The following CLIC5 variants were observed in gnomAD, a reference collection of about 807,000 sequenced individuals.
CLIC5 encodes CLIC family member 5, also known as chloride intracellular channel protein 5.
In CLIC5, 20 loss-of-function variants were observed where a neutral mutation model predicts 24.7. The ratio of observed to expected loss-of-function variants is 0.81; its 90% CI spans 0.57 to 1.18. The LOEUF is 1.18. Ranked by LOEUF, CLIC5 falls within the 50% of genes most tolerant of loss-of-function variation. The pLI, the probability that CLIC5 is intolerant of heterozygous loss-of-function variation, is 0.00. For synonymous variants in CLIC5, 159 were observed against 135.6 expected (o/e 1.17, Z -1.20); for missense variants, 341 against 326.1 (o/e 1.05, Z -0.35).
chr6:46,090,072 C>T, the CLIC5 span, among the ~76,000 whole-genome samples: 20,212 of 152,126 alleles, frequency 0.13, 1,835 homozygotes, highest in South Asian at 0.33. Flanking sequence ...GCTTCCATTA[C>T]TTAAAAACGA....
intron 6 of CLIC5, among the ~76,000 whole-genome samples, chr6:45,889,260 C>T (rs1486826738): frequency 6.6e-6 from 1 of 152,146 alleles, no homozygotes; most frequent in Non-Finnish European, 1.5e-5. Flanking sequence ...TCCTTGTATC[C>T]TCACATGGTG....
the CLIC5 span, among the ~76,000 whole-genome samples, chr6:46,096,106 A>G: frequency 1.3e-5 from 2 of 152,202 alleles, no homozygotes; most frequent in Non-Finnish European, 1.5e-5. Context: ...GTCATCTTAC[A>G]TGGCAGGAAC....
rs1767193710 is a variant in CLIC5 at position 46,021,845 on chromosome 6, G to A, written c.540+57858C>T. 3.9e-5 allele frequency among the ~76,000 whole-genome samples: 6 copies of A among 152,342 alleles called. No homozygotes were observed. In the South Asian group the frequency reaches 1.2e-3, roughly 32 times the overall value. ...GATAGAACTACTTTGCATCCTGTTTGTGTCATTGGTTACACACATTTCTGT... is the reference window on the plus strand; with the variant it reads ...GATAGAACTACTTTGCATCCTGTTTATGTCATTGGTTACACACATTTCTGT... On this transcript the variant is annotated intron_variant, in intron 1 of 5. Transcript: ENST00000185206.
upstream of CLIC5, among the ~76,000 whole-genome samples, chr6:46,019,590 G>A (rs893455639): frequency 4.0e-5 from 6 of 149,884 alleles, no homozygotes; most frequent in South Asian, 1.3e-3. Flanking sequence ...GGAGGCTGAG[G>A]CAGGAGAATG....
intron 1 of CLIC5, among the ~76,000 whole-genome samples, chr6:46,037,013 T>C (rs1158802528): frequency 6.6e-6 from 1 of 151,338 alleles, no homozygotes; most frequent in Admixed American, 6.6e-5. Flanking sequence ...CCTTCCCCCA[T>C]TTTTTTTTCA....
At chr6:46,065,293 T>C (rs1762410878) in intron 1 of CLIC5, among the ~76,000 whole-genome samples, 1 of 151,424 alleles carries the variant, frequency 6.6e-6, no homozygotes, top group Non-Finnish European at 1.5e-5. Flanking sequence ...GGAAAGGCAG[T>C]AGCTAGAAAT....
At chr6:46,039,322 G>A (rs753049991) in intron 1 of CLIC5, among the ~76,000 whole-genome samples, 1 of 151,862 alleles carries the variant, frequency 6.6e-6, no homozygotes, top group Non-Finnish European at 1.5e-5. Flanking sequence ...TTAAAAGCAG[G>A]AAAAAGATGG....
intron 1 of CLIC5, among the ~76,000 whole-genome samples, chr6:46,024,428 A>G (rs1767273407): frequency 6.6e-6 from 1 of 152,134 alleles, no homozygotes; most frequent in South Asian, 2.1e-4. Flanking sequence ...TTAGAAGACC[A>G]TTTTTACTTC....
At chr6:46,083,591 G>C (rs1399088952), upstream of CLIC5, among the ~76,000 whole-genome samples, 1 of 152,118 alleles carries the variant, frequency 6.6e-6, no homozygotes, top group Non-Finnish European at 1.5e-5. Context: ...AGTTTTGAGT[G>C]AGTTTCTTAA....
At chr6:46,019,500 C>G (rs1331293294), upstream of CLIC5, among the ~76,000 whole-genome samples, 3 of 151,198 alleles carry the variant, frequency 2.0e-5, no homozygotes, top group South Asian at 6.2e-4. Flanking sequence ...TCCTGGCTAA[C>G]AAGGTGAAAC....
intron 4 of CLIC5, among the ~76,000 whole-genome samples, chr6:45,917,735 C>T (rs1191528899): frequency 6.6e-6 from 1 of 152,164 alleles, no homozygotes; most frequent in South Asian, 2.1e-4. Flanking sequence ...TTCCTCTGAC[C>T]CTGGCTCAAT....
At chr6:45,907,001 G>T (rs1762680115) in intron 5 of CLIC5, among the ~76,000 whole-genome samples, 1 of 152,144 alleles carries the variant, frequency 6.6e-6, no homozygotes, top group Non-Finnish European at 1.5e-5. Flanking sequence ...TTTCCTATTT[G>T]TATGCCTTTT....
chr6:45,959,892 T>TGCTTCA (rs1403603252), intron 1 of CLIC5, among the ~76,000 whole-genome samples: 2 of 152,208 alleles, frequency 1.3e-5, no homozygotes, highest in Non-Finnish European at 2.9e-5. Context: ...TAATTTTTAA[T>TGCTTCA]GCTTCATCAA....
At chr6:45,954,357 A>T (rs1041714454) in intron 2 of CLIC5, among the ~76,000 whole-genome samples, 1 of 152,300 alleles carries the variant, frequency 6.6e-6, no homozygotes, top group East Asian at 1.9e-4. Flanking sequence ...AAAGGATACA[A>T]ATTGATGTAT....
intron 1 of CLIC5, among the ~76,000 whole-genome samples, chr6:45,962,675 T>A (rs1342689875): frequency 3.3e-5 from 5 of 152,208 alleles, no homozygotes; most frequent in Non-Finnish European, 7.3e-5. Flanking sequence ...CCAGATGGTT[T>A]TGTAAACAAT....
chr6:45,988,640 T>C (rs960535826), intron 1 of CLIC5, among the ~76,000 whole-genome samples: 1 of 152,252 alleles, frequency 6.6e-6, no homozygotes, highest in African/African-American at 2.4e-5. Context: ...ACTATTATCC[T>C]TGTTTTAGCA....
intron 4 of CLIC5, among the ~76,000 whole-genome samples, chr6:45,922,829 GAGAGAT>G (rs965970780): frequency 1.4e-5 from 2 of 146,150 alleles, no homozygotes; most frequent in African/African-American, 2.7e-5. Flanking sequence ...GAGAAAGAGA[GAGAGAT>G]AGAGAGAGAG....
chr6:45,994,686 C>A (rs1260728470), intron 1 of CLIC5, among the ~76,000 whole-genome samples: 2 of 152,128 alleles, frequency 1.3e-5, no homozygotes, highest in East Asian at 3.9e-4. Flanking sequence ...GTGAAAGAAG[C>A]AGATAAATCT....
chr6:46,020,199 C>A (rs779692962), upstream of CLIC5, among the ~76,000 whole-genome samples: 37 of 152,004 alleles, frequency 2.4e-4, no homozygotes, highest in South Asian at 4.1e-4. Context: ...AACTTCATTA[C>A]GTTAAAATAA....
Sources: allele counts gnomAD v4.1 joint callset (sites outside exome capture counted in the v4.1 genomes callset), GRCh38; gene constraint gnomAD v4.1.1; transcripts MANE v1.5; gene names NCBI Gene and HGNC (gene_info 2026-07-23, HGNC 2026-07-21).